Variants in SEMA6D observed in about 807,000 individuals in gnomAD.
SEMA6D encodes semaphorin-6D.
A neutral mutation model predicts 106.6 loss-of-function variants in SEMA6D; 35 were observed. That is an observed-to-expected ratio of 0.33 (90% CI 0.25 to 0.44). The LOEUF is 0.44. Among genes scored for constraint, SEMA6D ranks in the 20% least tolerant of loss-of-function variants. SEMA6D has a pLI of 1.00. For synonymous variants in SEMA6D, 499 were observed against 487.7 expected (o/e 1.02, Z -0.31); for missense variants, 1,185 against 1,345.9 (o/e 0.88, Z 1.87).
chr15:47,352,094 C>T (rs952912279), intron 1 of SEMA6D, among the ~76,000 whole-genome samples: 1 of 151,876 alleles, frequency 6.6e-6, no homozygotes, highest in Non-Finnish European at 1.5e-5. Flanking sequence ...AATCTGTTTC[C>T]CACTGAAAGT....
chr15:47,451,522 A>T (rs549038147), intron 2 of SEMA6D, among the ~76,000 whole-genome samples: 1 of 152,080 alleles, frequency 6.6e-6, no homozygotes, highest in South Asian at 2.1e-4. Context: ...TGGTGACTGG[A>T]TGAGGAGTGA....
At chr15:47,682,127 A>G (rs776178767) in intron 4 of SEMA6D, among the ~76,000 whole-genome samples, 1 of 151,820 alleles carries the variant, frequency 6.6e-6, no homozygotes, top group Non-Finnish European at 1.5e-5. Flanking sequence ...ACGAGTTACT[A>G]TGTGAGGAGA....
chr15:47,509,056 C>A (rs1008034254), intron 3 of SEMA6D, among the ~76,000 whole-genome samples: 4 of 151,768 alleles, frequency 2.6e-5, no homozygotes, highest in Non-Finnish European at 4.4e-5. Flanking sequence ...TTTGGTATGT[C>A]CAGTTTTATT....
At chr15:47,271,152 T>G (rs973630954) in intron 1 of SEMA6D, among the ~76,000 whole-genome samples, 6 of 152,222 alleles carry the variant, frequency 3.9e-5, no homozygotes, top group African/African-American at 1.4e-4. Flanking sequence ...TACACCTCCA[T>G]GTAATCCAAA....
intron 4 of SEMA6D, among the ~76,000 whole-genome samples, chr15:47,609,485 G>C (rs911075059): frequency 6.6e-6 from 1 of 152,108 alleles, no homozygotes; most frequent in Non-Finnish European, 1.5e-5. Flanking sequence ...ATTTAGGTAC[G>C]TATTCGCTTA....
chr15:47,441,276 G>T (rs528822131), intron 2 of SEMA6D, among the ~76,000 whole-genome samples: 1 of 152,068 alleles, frequency 6.6e-6, no homozygotes, highest in African/African-American at 2.4e-5. Flanking sequence ...GACATTTAAT[G>T]AAAAAATACC....
intron 4 of SEMA6D, among the ~76,000 whole-genome samples, chr15:47,638,513 A>AT (rs534571438): frequency 1.3e-5 from 2 of 152,140 alleles, no homozygotes; most frequent in African/African-American, 4.8e-5. Flanking sequence ...CATTTATATG[A>AT]TTTTTTTCTC....
intron 1 of SEMA6D, among the ~76,000 whole-genome samples, chr15:47,256,361 C>A (rs1443961465): frequency 1.3e-5 from 2 of 152,118 alleles, no homozygotes; most frequent in African/African-American, 4.8e-5. Flanking sequence ...TCAGTTTATT[C>A]ATGTTCTCTT....
At chr15:47,444,232 A>G (rs1324530337) in intron 2 of SEMA6D, among the ~76,000 whole-genome samples, 5 of 152,176 alleles carry the variant, frequency 3.3e-5, no homozygotes, top group African/African-American at 1.2e-4. Flanking sequence ...ACACGCAGTT[A>G]CTAACAATAC....
intron 4 of SEMA6D, among the ~76,000 whole-genome samples, chr15:47,627,592 T>G (rs78403720): frequency 0.059 from 8,950 of 152,226 alleles, 294 homozygotes; most frequent in African/African-American, 0.085. Flanking sequence ...AAGTACTCAA[T>G]AAATGCTCTC....
chr15:47,744,981 T>A (rs1174790575), intron 1 of SEMA6D, among the ~76,000 whole-genome samples: 2 of 152,218 alleles, frequency 1.3e-5, no homozygotes, highest in African/African-American at 4.8e-5. Context: ...GGCTTTCTCA[T>A]GGTCTGTCAG....
At chr15:47,655,209 C>G (rs2077768405) in intron 4 of SEMA6D, among the ~76,000 whole-genome samples, 1 of 152,212 alleles carries the variant, frequency 6.6e-6, no homozygotes, top group South Asian at 2.1e-4. Context: ...GGATCCGAAC[C>G]TAGCTGCACA....
At chr15:47,390,273 A>G (rs1340740844) in intron 1 of SEMA6D, among the ~76,000 whole-genome samples, 1 of 152,182 alleles carries the variant, frequency 6.6e-6, no homozygotes, top group Non-Finnish European at 1.5e-5. Flanking sequence ...CACAAGAGCA[A>G]TAGAGTGAGC....
intron 3 of SEMA6D, among the ~76,000 whole-genome samples, chr15:47,497,499 C>G (rs190671397): frequency 6.6e-6 from 1 of 152,106 alleles, no homozygotes; most frequent in Admixed American, 6.6e-5. Flanking sequence ...TTTTGAAATT[C>G]CTACTTTCCT....
intron 1 of SEMA6D, among the ~76,000 whole-genome samples, chr15:47,210,043 T>C (rs1895374002): frequency 6.6e-6 from 1 of 152,248 alleles, no homozygotes; most frequent in South Asian, 2.1e-4. Flanking sequence ...TTCCAATAGA[T>C]GTCCTATTTC....
At chr15:47,697,430 G>A (rs1201789186) in intron 4 of SEMA6D, among the ~76,000 whole-genome samples, 1 of 152,166 alleles carries the variant, frequency 6.6e-6, no homozygotes, top group East Asian at 1.9e-4. Flanking sequence ...ATAATGGTTT[G>A]TTGCCCTAGT....
intron 1 of SEMA6D, chr15:47,359,325 C>T (rs1004175008): frequency 6.6e-6 from 1 of 152,088 alleles, no homozygotes; most frequent in Non-Finnish European, 1.5e-5. Context: ...AATTTTTACT[C>T]TTTCTGTGCT....
At chr15:47,262,964 A>G (rs1392845226) in intron 1 of SEMA6D, among the ~76,000 whole-genome samples, 1 of 152,162 alleles carries the variant, frequency 6.6e-6, no homozygotes, top group Non-Finnish European at 1.5e-5. Flanking sequence ...TCCCTATTCA[A>G]TAAATGGTGC....
At chr15:47,197,487 A>G (rs1365019821) in intron 1 of SEMA6D, among the ~76,000 whole-genome samples, 1 of 150,572 alleles carries the variant, frequency 6.6e-6, no homozygotes, top group Non-Finnish European at 1.5e-5. Flanking sequence ...TATCTCAAAG[A>G]TTGAACTTGC....
Sources: gnomAD v4.1 joint callset for allele counts (sites outside exome capture counted in the v4.1 genomes callset) on GRCh38, gnomAD v4.1.1 for gene constraint, MANE v1.5 for transcripts, NCBI Gene and HGNC (gene_info 2026-07-23, HGNC 2026-07-21) for gene names.